Variants in TYW1 observed in about 807,000 individuals in gnomAD.
TYW1 encodes S-adenosyl-L-methionine-dependent tRNA 4-demethylwyosine synthase TYW1.
Under a neutral mutation model 96.2 loss-of-function variants are expected in TYW1, and 46 were observed. The ratio of observed to expected loss-of-function variants is 0.48; its 90% CI spans 0.38 to 0.61. The LOEUF is 0.61. Ranked by LOEUF, TYW1 falls within the 20% of genes least tolerant of loss-of-function variation. The probability of loss-of-function intolerance (pLI) is 0.00; values close to 1 mark genes in which losing one functional copy is unlikely to be tolerated. For missense variants in TYW1, 684 were observed against 909.6 expected, an observed-to-expected ratio of 0.75 and a Z score of 3.19; for synonymous variants, 274 against 323.0, an observed-to-expected ratio of 0.85 and a Z score of 1.63.
chr7:67,079,213 T>C (rs1484630240), intron 10 of TYW1, among the ~76,000 whole-genome samples: 2 of 151,146 alleles, frequency 1.3e-5, no homozygotes, highest in Non-Finnish European at 2.9e-5. Flanking sequence ...TTAGGTTTGG[T>C]GGAATTTATT....
chr7:67,136,608 T>G (rs1798261499), intron 13 of TYW1, among the ~76,000 whole-genome samples: 1 of 149,826 alleles, frequency 6.7e-6, no homozygotes, highest in African/African-American at 2.5e-5. Flanking sequence ...GAAGTGTAGA[T>G]CCACATACCA....
Position 67,067,388 on chromosome 7 carries a change from G to A in TYW1, c.1259G>A (p.Cys420Tyr), listed in dbSNP as rs540364700. Reference sequence around the variant, plus strand: ...CCGAGCTTGGCGTGTGCTAATAAATGTGTCTTCTGTTGGCGGTAAGTAAAA... The same window carrying A: ...CCGAGCTTGGCGTGTGCTAATAAATATGTCTTCTGTTGGCGGTAAGTAAAA... ...TTPSLACANK[C>Y]VFCWRHHTNP... The change falls in exon 10 of 16, where the codon TGT becomes TAT. Residue 420 changes from cysteine to tyrosine, a missense_variant. Transcript: ENST00000359626. 4 of 1,613,974 alleles carry A rather than the reference G, an allele frequency of 2.5e-6. No individual in the cohort carries two copies. The East Asian group carries it at 6.7e-5, about 27-fold the overall frequency.
intron 13 of TYW1, among the ~76,000 whole-genome samples, chr7:67,150,874 A>G: frequency 6.6e-6 from 1 of 151,728 alleles, no homozygotes; most frequent in Non-Finnish European, 1.5e-5. Flanking sequence ...GCTTGAAATT[A>G]AAAACCTGTG....
chr7:67,196,631 C>T (rs1333268847), intron 15 of TYW1, among the ~76,000 whole-genome samples: 2 of 147,614 alleles, frequency 1.4e-5, no homozygotes, highest in South Asian at 4.3e-4. Flanking sequence ...ATGGCTGTGT[C>T]AAACTGGAAT....
intron 11 of TYW1, among the ~76,000 whole-genome samples, chr7:67,085,101 C>T (rs1225360988): frequency 1.3e-5 from 2 of 152,188 alleles, no homozygotes; most frequent in African/African-American, 4.8e-5. Context: ...ATATGGGAGT[C>T]TTTAGAAACC....
In TYW1 at chr7:67,050,085, T is replaced by A; in HGVS notation, c.1102+19T>A. 1 of 1,611,748 alleles carries A rather than the reference T, an allele frequency of 6.2e-7. No individual in the cohort carries two copies. The highest frequency in any genetic ancestry group is 2.2e-5 in the East Asian group (1 of 44,840). Reference sequence around the variant, plus strand: ...AAACAAGGTGAAAATCTTCAAGAATTGTTGTTATATGACTGTAGTCTTAGG... The same window carrying A: ...AAACAAGGTGAAAATCTTCAAGAATAGTTGTTATATGACTGTAGTCTTAGG... On this transcript the variant is annotated intron_variant, in intron 8 of 15. Transcript: ENST00000359626.
intron 13 of TYW1, among the ~76,000 whole-genome samples, chr7:67,137,531 C>T (rs1798303979): frequency 6.6e-6 from 1 of 152,164 alleles, no homozygotes; most frequent in Non-Finnish European, 1.5e-5. Context: ...TGACAGCCTA[C>T]CTAACAGGAA....
intron 12 of TYW1, among the ~76,000 whole-genome samples, chr7:67,111,922 C>T (rs959430616): frequency 6.6e-5 from 10 of 151,896 alleles, no homozygotes; most frequent in South Asian, 2.1e-4. Context: ...CGTGGCGAAA[C>T]GCTGTCTTTA....
At chr7:67,115,393 G>C (rs1239982604) in intron 12 of TYW1, among the ~76,000 whole-genome samples, 1 of 152,102 alleles carries the variant, frequency 6.6e-6, no homozygotes, top group Non-Finnish European at 1.5e-5. Context: ...GCTTTGCTCA[G>C]TAGTGGCACA....
At position 67,001,718 on chromosome 7, in the gene TYW1, C is replaced by G. The variant is rs567517738; in HGVS notation, c.273+2764C>G. Among the ~76,000 whole-genome samples the G allele has an allele frequency of 5.3e-5, 8 of 151,434 alleles. No homozygotes were observed. In the South Asian group the frequency reaches 1.5e-3, roughly 28 times the overall value. On this transcript the variant is annotated intron_variant, in intron 3 of 15. Transcript: ENST00000359626. ...TACAGGCGTGAGCCACCGCGCCCAG[C>G]CTTTATTTTTATTTTTTAAGAGACA...
At chr7:67,038,884 A>T (rs1794925392) in intron 7 of TYW1, among the ~76,000 whole-genome samples, 1 of 152,234 alleles carries the variant, frequency 6.6e-6, no homozygotes, top group African/African-American at 2.4e-5. Flanking sequence ...AGCCTGGGCA[A>T]CACAGCAAGA....
chr7:67,059,978 G>A (rs1471658338), intron 9 of TYW1, among the ~76,000 whole-genome samples: 1 of 151,802 alleles, frequency 6.6e-6, no homozygotes, highest in Non-Finnish European at 1.5e-5. Context: ...TCACCATGTT[G>A]GCCAGGCTGG....
At chr7:67,021,918 T>TG (rs1794292550) in intron 6 of TYW1, among the ~76,000 whole-genome samples, 1 of 152,176 alleles carries the variant, frequency 6.6e-6, no homozygotes, top group South Asian at 2.1e-4. Context: ...TCCAGCCTAT[T>TG]GCCTGTTTTT....
intron 13 of TYW1, among the ~76,000 whole-genome samples, chr7:67,141,057 T>C (rs1798433638): frequency 6.6e-6 from 1 of 152,198 alleles, no homozygotes; most frequent in Non-Finnish European, 1.5e-5. Flanking sequence ...AAAGCTAGTA[T>C]TTTCTATTTT....
intron 3 of TYW1, among the ~76,000 whole-genome samples, chr7:67,004,540 T>C (rs1353569224): frequency 6.6e-6 from 1 of 152,230 alleles, no homozygotes; most frequent in Non-Finnish European, 1.5e-5. Context: ...TGTCCAATCT[T>C]GAACTTTTTC....
intron 13 of TYW1, among the ~76,000 whole-genome samples, chr7:67,175,687 A>T (rs1442372470): frequency 6.6e-6 from 1 of 152,350 alleles, no homozygotes; most frequent in Middle Eastern, 3.4e-3. Flanking sequence ...AGCTGGTAGG[A>T]TAAGGTTAAT....
intron 9 of TYW1, among the ~76,000 whole-genome samples, chr7:67,063,797 T>C (rs980973358): frequency 6.6e-6 from 1 of 152,032 alleles, no homozygotes; most frequent in African/African-American, 2.4e-5. Context: ...AGAGACGGGG[T>C]TTCACCATGT....
At chr7:67,027,111 G>T (rs1562972103) in intron 7 of TYW1, among the ~76,000 whole-genome samples, 1 of 151,918 alleles carries the variant, frequency 6.6e-6, no homozygotes. Flanking sequence ...GAGGTGGAAG[G>T]GTTGCTTGGA....
chr7:67,237,096 A>C (rs1052508713), intron 15 of TYW1, among the ~76,000 whole-genome samples: 1 of 152,162 alleles, frequency 6.6e-6, no homozygotes, highest in African/African-American at 2.4e-5. Context: ...ATGTTGGCCA[A>C]GCTAGTCTTG....
Sources: gnomAD v4.1 joint callset for allele counts (sites outside exome capture counted in the v4.1 genomes callset) on GRCh38, gnomAD v4.1.1 for gene constraint, MANE v1.5 for transcripts, NCBI Gene and HGNC (gene_info 2026-07-23, HGNC 2026-07-21) for gene names.